Variants in TSPO2 observed in about 807,000 individuals in gnomAD.
The protein encoded by TSPO2 is translocator protein 2.
In TSPO2, 15 loss-of-function variants were observed where a neutral mutation model predicts 13.3. That is an observed-to-expected ratio of 1.13 (90% CI 0.75 to 1.73). The LOEUF is 1.73. Ranked by LOEUF, TSPO2 falls within the 40% of genes most tolerant of loss-of-function variation. The probability of loss-of-function intolerance (pLI) is 0.00; values close to 1 mark genes in which losing one functional copy is unlikely to be tolerated. For missense variants in TSPO2, 202 were observed against 198.3 expected, an observed-to-expected ratio of 1.02 and a Z score of -0.11; for synonymous variants, 81 against 91.6, an observed-to-expected ratio of 0.88 and a Z score of 0.66.
chr6:41,043,465 A>G lies in TSPO2; in HGVS notation c.174-92A>G, dbSNP rs1195803105. ...CCCATCTGCCCCCATTTCAGCCCACAAGGGTATCCAAGAGTCCTTATGCCA... is the reference window on the plus strand; with the variant it reads ...CCCATCTGCCCCCATTTCAGCCCACGAGGGTATCCAAGAGTCCTTATGCCA... On this transcript the variant is annotated intron_variant, in intron 2 of 3. Coordinates refer to ENST00000373161, the MANE Select transcript of TSPO2 (RefSeq NM_001010873.3). The G allele has an allele frequency of 6.1e-6, 9 of 1,477,452 alleles. No individual in the cohort carries two copies. The East Asian group carries it at 1.8e-4, about 30-fold the overall frequency. 91.5% of individuals were successfully genotyped at this position (1,477,452 alleles called of 1,614,324 possible).
chr6:41,042,301 A>G (rs1762598607), upstream of TSPO2, among the ~76,000 whole-genome samples: 1 of 152,212 alleles, frequency 6.6e-6, no homozygotes. Flanking sequence ...GAATGGAAAG[A>G]TGGAGCAGGA....
At chr6:41,042,833 G>A in intron 1 of TSPO2, 55 bp downstream of exon 1, 1 of 855,100 alleles carries the variant, frequency 1.2e-6, no homozygotes, top group Non-Finnish European at 1.9e-6. Flanking sequence ...CTGGGCCAGG[G>A]AGAGAGGAAG....
At chr6:41,041,685 A>T (rs2114015359), upstream of TSPO2, among the ~76,000 whole-genome samples, 1 of 151,532 alleles carries the variant, frequency 6.6e-6, no homozygotes, top group East Asian at 1.9e-4. Flanking sequence ...ACAGAAAAGG[A>T]TGGATTAGGG....
In TSPO2 at chr6:41,043,924, C is replaced by T. The variant is rs568484159; in HGVS notation, c.316-16C>T. 9.3e-6 allele frequency: 15 copies of T among 1,609,624 alleles called. No homozygotes were observed. The highest frequency in any genetic ancestry group is 1.3e-5 in the African/African-American group (1 of 74,974). ...GGTTCTCGGGCAGCCAGCTGACCCC[C>T]GGCCTCTATGCCCAGGCCCTGCTGC... On this transcript the variant is annotated splice_polypyrimidine_tract_variant and intron_variant, in intron 3 of 3. Transcript: ENST00000373161.
rs780654751 is a variant in TSPO2, at chr6:41,043,594, G to A, written c.211G>A (p.Gly71Ser). 1 of 1,611,892 alleles carries A rather than the reference G, an allele frequency of 6.2e-7. No homozygotes were observed. Among genetic ancestry groups the A allele is most frequent in the Non-Finnish European group, 8.5e-7 (1 of 1,178,742 alleles). The change falls in exon 3 of 4, where the codon GGC becomes AGC. Residue 71 changes from glycine to serine, a missense_variant. Transcript: ENST00000373161. ...SYLVWKDLGG[G>S]LGWPLALPLG... The stretch of plus-strand genomic sequence containing the variant: ...CCTGGTGTGGAAGGACCTGGGAGGG[G>A]GCTTGGGGTGGCCCCTGGCCCTGCC...
At chr6:41,043,722 C>T (rs1762629793) in intron 3 of TSPO2, 24 bp downstream of exon 3, 2 of 1,576,800 alleles carry the variant, frequency 1.3e-6, no homozygotes, top group African/African-American at 1.4e-5. Flanking sequence ...TGCTCAGTAG[C>T]AGAAGTAATG....
upstream of TSPO2, among the ~76,000 whole-genome samples, chr6:41,042,113 T>G (rs1026736242): frequency 6.6e-6 from 1 of 152,196 alleles, no homozygotes; most frequent in African/African-American, 2.4e-5. Context: ...GAATGATATT[T>G]GTGGGGCCTT....
In TSPO2 at chr6:41,042,796, A is replaced by T. The variant is rs1408680007; in HGVS notation, c.-21+18A>T. ...TGGGCAAGGTGTGGCCTGGGGTTGG[A>T]GAGAGCTCAGAGGTACAGGACTGGA... On this transcript the variant is annotated intron_variant, in intron 1 of 3. Coordinates refer to ENST00000373161, the MANE Select transcript of TSPO2 (RefSeq NM_001010873.3). 2 of 719,810 alleles carry T rather than the reference A, an allele frequency of 2.8e-6. No homozygotes were observed. The highest frequency in any genetic ancestry group is 3.0e-5 in the South Asian group (2 of 67,194). 44.6% of individuals were successfully genotyped at this position (719,810 alleles called of 1,614,324 possible). A position where few individuals can be genotyped will look rare whatever the true frequency, so the allele number is the denominator to read the frequency against.
chr6:41,042,498 A>G lies in TSPO2; in HGVS notation c.-301A>G. ...GCTGCCGCATTCGTGACTAGAAAAG[A>G]GTCCCCAGGAATTTCTGGCTCCTGC... On this transcript the variant is annotated 5_prime_UTR_variant, in exon 1 of 4. Transcript: ENST00000373161. 2 of 345,976 alleles carry G rather than the reference A, an allele frequency of 5.8e-6. No individual in the cohort carries two copies. Among genetic ancestry groups the G allele is most frequent in the Non-Finnish European group, 1.1e-5 (2 of 174,812 alleles). The allele number at this position is 345,976 out of a possible 1,614,324, so 21.4% of individuals were successfully genotyped here.
rs765438955 is a variant in TSPO2, at chr6:41,043,663, C to T, written c.280C>T (p.Leu94=). Residue 94 remains leucine (L), a synonymous_variant, in exon 3 of 4, where the codon CTG becomes TTG. Coordinates refer to ENST00000373161, the MANE Select transcript of TSPO2 (RefSeq NM_001010873.3). ...AVQLTISWTV[L]VLFFTVHNPG... ...TCAGCTCACCATCAGCTGGACTGTC[C>T]TGGTTCTCTTTTTCACAGTCCACAA... The T allele has an allele frequency of 6.2e-7, 1 of 1,612,056 alleles. No homozygotes were observed. The highest frequency in any genetic ancestry group is 8.5e-7 in the Non-Finnish European group (1 of 1,178,806).
chr6:41,043,627 C>T lies in TSPO2; in HGVS notation c.244C>T (p.Leu82Phe). 6.2e-7 allele frequency: 1 copy of T among 1,613,616 alleles called. No homozygotes were observed. Among genetic ancestry groups the T allele is most frequent in the African/African-American group, 1.3e-5 (1 of 75,050 alleles). ...GTGGCCCCTGGCCCTGCCTCTTGGCCTCTATGCTGTTCAGCTCACCATCAG... is the reference window on the plus strand; with the variant it reads ...GTGGCCCCTGGCCCTGCCTCTTGGCTTCTATGCTGTTCAGCTCACCATCAG... ...LGWPLALPLGLYAVQLTISWT... is the reference protein window; with the variant it reads ...LGWPLALPLGFYAVQLTISWT... Residue 82 changes from leucine to phenylalanine, a missense_variant, in exon 3 of 4, where the codon CTC (leucine) becomes TTC (phenylalanine). Coordinates refer to ENST00000373161, the MANE Select transcript of TSPO2 (RefSeq NM_001010873.3).
In TSPO2 at chr6:41,042,732, G is replaced by A. The variant is rs1423867924; in HGVS notation, c.-67G>A. ...GGGCAGTGTCCTCCAAGTGCCAGAG[G>A]AGTGCTGTGGAGAAAAGAAGTCCAT... On this transcript the variant is annotated 5_prime_UTR_variant, in exon 1 of 4. Transcript: ENST00000373161. 6.1e-6 allele frequency: 4 copies of A among 658,678 alleles called. No homozygotes were observed. Among genetic ancestry groups the A allele is most frequent in the African/African-American group, 3.5e-5 (2 of 56,412 alleles). The allele number at this position is 658,678 out of a possible 1,614,324, so 40.8% of individuals were successfully genotyped here. A position where few individuals can be genotyped will look rare whatever the true frequency, so the allele number is the denominator to read the frequency against.
upstream of TSPO2, among the ~76,000 whole-genome samples, chr6:41,041,974 T>G (rs1223348821): frequency 6.8e-6 from 1 of 147,298 alleles, no homozygotes; most frequent in African/African-American, 2.5e-5. Context: ...AAACTCTGTA[T>G]GAAAAGAAAA....
chr6:41,044,268 T>C lies in TSPO2; in HGVS notation c.*131T>C, dbSNP rs1561834000. The C allele has an allele frequency of 3.6e-6, 3 of 827,236 alleles. No homozygotes were observed. The highest frequency in any genetic ancestry group is 5.7e-6 in the Non-Finnish European group (3 of 522,914). The allele number at this position is 827,236 out of a possible 1,614,324, so 51.2% of individuals were successfully genotyped here. On this transcript the variant is annotated 3_prime_UTR_variant, in exon 4 of 4. Coordinates refer to ENST00000373161, the MANE Select transcript of TSPO2 (RefSeq NM_001010873.3). ...CCCTGGTGCCGTTTTTCCTTAGAAA[T>C]CAGAGAAATGGGAAAGGGGGGGAAA... is the stretch of plus-strand genomic sequence containing the variant.
At chr6:41,043,777 C>G in intron 3 of TSPO2, 79 bp downstream of exon 3, 1 of 1,558,480 alleles carries the variant, frequency 6.4e-7, no homozygotes, top group Non-Finnish European at 8.7e-7. Flanking sequence ...CATAATTCAG[C>G]AGAGCAATTG....
At position 41,044,183 on chromosome 6, in the gene TSPO2, G is replaced by A. The variant is rs1762642233; in HGVS notation, c.*46G>A. The A allele has an allele frequency of 6.2e-7, 1 of 1,603,114 alleles. No homozygotes were observed. Among genetic ancestry groups the A allele is most frequent in the Non-Finnish European group, 8.5e-7 (1 of 1,171,514 alleles). On this transcript the variant is annotated 3_prime_UTR_variant, in exon 4 of 4. Transcript: ENST00000373161. The stretch of plus-strand genomic sequence containing the variant: ...GAGGGACGCCCAGGGTGGGGAGGAA[G>A]AGTCTGCAAGCAGGGCTGTGGAGTT...
chr6:41,042,050 T>C (rs1299836776), upstream of TSPO2, among the ~76,000 whole-genome samples: 1 of 152,054 alleles, frequency 6.6e-6, no homozygotes, highest in Non-Finnish European at 1.5e-5. Flanking sequence ...TTTTCTCTCC[T>C]TCAAATCTGG....
Position 41,043,064 on chromosome 6 carries a change from A to G in TSPO2, c.79A>G (p.Met27Val), listed in dbSNP as rs1437149003. 1.2e-6 allele frequency: 2 copies of G among 1,613,878 alleles called. No homozygotes were observed. The highest frequency in any genetic ancestry group is 4.5e-5 in the East Asian group (2 of 44,858). The change falls in exon 2 of 4, where the codon ATG (methionine) becomes GTG (valine). Residue 27 changes from methionine (M) to valine (V), a missense_variant. Met to Val is a conservative substitution (Grantham distance 21). Coordinates refer to ENST00000373161, the MANE Select transcript of TSPO2 (RefSeq NM_001010873.3). ...GGTCTGGCTGTTCACTCGTGATCAC[A>G]TGTCTGGTTGGTGTGAGGGCCCGAG... ...ILVWLFTRDH[M>V]SGWCEGPRML...
upstream of TSPO2, among the ~76,000 whole-genome samples, chr6:41,042,373 G>C (rs183234414): frequency 1.6e-3 from 241 of 152,284 alleles, 1 homozygote; most frequent in Admixed American, 0.013. Context: ...AGGAATCCAC[G>C]GTGTCAACAG....
Sources: gnomAD v4.1 joint callset for allele counts (sites outside exome capture counted in the v4.1 genomes callset) on GRCh38, gnomAD v4.1.1 for gene constraint, MANE v1.5 for transcripts, NCBI Gene and HGNC (gene_info 2026-07-23, HGNC 2026-07-21) for gene names.